The following MRPL37 variants were observed in gnomAD, a reference collection of about 807,000 sequenced individuals.
MRPL37 encodes the protein large ribosomal subunit protein mL37.
MRPL37 carries 34 observed loss-of-function variants against 44.1 expected under a neutral mutation model. The observed-to-expected ratio is 0.77, with a 90% CI of 0.59 to 1.03. MRPL37 has a LOEUF of 1.03. MRPL37 is among the 50% of genes least tolerant of loss of function. The pLI, the probability that MRPL37 is intolerant of heterozygous loss-of-function variation, is 0.00. For synonymous variants in MRPL37, 212 were observed against 219.5 expected (o/e 0.97, Z 0.30); for missense variants, 532 against 543.7 (o/e 0.98, Z 0.21).
Position 54,210,135 on chromosome 1 carries a change from A to G in MRPL37, c.832+4A>G, listed in dbSNP as rs1488442789. 3 of 1,613,114 alleles carry G rather than the reference A, an allele frequency of 1.9e-6. No homozygotes were observed. The Admixed American group carries it at 5.0e-5, about 27-fold the overall frequency. ...TATGATGTGAAAAATGACACAGGTAAGGATCAATGTCTTGGACTTTTAGGC... is the reference window on the plus strand; with the variant it reads ...TATGATGTGAAAAATGACACAGGTAGGGATCAATGTCTTGGACTTTTAGGC... On this transcript the variant is annotated splice_donor_region_variant and intron_variant, in intron 4 of 6. Coordinates refer to ENST00000360840, the MANE Select transcript of MRPL37 (RefSeq NM_016491.4).
rs1418345168 is a variant in MRPL37, at chr1:54,213,163, C to T, written c.990+505C>T. On this transcript the variant is annotated intron_variant, in intron 5 of 6. Transcript: ENST00000360840. Reference sequence around the variant, plus strand: ...CCCAAGATACTCGTTGGTGTTATCCCCTGATCCTAAGAGGAGGTTTCAGGG... The same window carrying T: ...CCCAAGATACTCGTTGGTGTTATCCTCTGATCCTAAGAGGAGGTTTCAGGG... Among the ~76,000 whole-genome samples the T allele has an allele frequency of 2.0e-5, 3 of 152,190 alleles. No individual in the cohort carries two copies. The South Asian group carries it at 6.2e-4, about 32-fold the overall frequency.
At chr1:54,220,295 G>A (rs1644223826), downstream of MRPL37, among the ~76,000 whole-genome samples, 1 of 152,220 alleles carries the variant, frequency 6.6e-6, no homozygotes, top group Non-Finnish European at 1.5e-5. Context: ...ACCATCAGCA[G>A]ATGACCTTGT....
At chr1:54,204,159 G>C (rs1010813461) in intron 1 of MRPL37, among the ~76,000 whole-genome samples, 1 of 152,200 alleles carries the variant, frequency 6.6e-6, no homozygotes, top group Admixed American at 6.5e-5. Flanking sequence ...TAGGCAGGCA[G>C]ATTACTTCAG....
At chr1:54,219,950 G>C (rs918508999), downstream of MRPL37, among the ~76,000 whole-genome samples, 8 of 152,196 alleles carry the variant, frequency 5.3e-5, no homozygotes, top group African/African-American at 1.9e-4. Flanking sequence ...GTTGTTTCCA[G>C]TTGTTATTAG....
intron 4 of MRPL37, 114 bp downstream of exon 4, chr1:54,210,245 C>CCTAT (rs1172608408): frequency 1.4e-4 from 140 of 1,003,282 alleles, no homozygotes; most frequent in Non-Finnish European, 4.7e-5. Flanking sequence ...GTGTGTATTA[C>CCTAT]CTATCTCCTA....
At chr1:54,202,636 G>C (rs575471992) in intron 1 of MRPL37, among the ~76,000 whole-genome samples, 1 of 152,200 alleles carries the variant, frequency 6.6e-6, no homozygotes, top group East Asian at 1.9e-4. Flanking sequence ...AAGTAGCTGG[G>C]ATTACAGGCA....
intron 4 of MRPL37, among the ~76,000 whole-genome samples, chr1:54,212,032 G>A (rs1458695033): frequency 6.6e-6 from 1 of 152,180 alleles, no homozygotes; most frequent in Non-Finnish European, 1.5e-5. Flanking sequence ...AGTAAATTTT[G>A]CAAATGACTT....
chr1:54,223,504 C>G (rs1644250432), downstream of MRPL37, among the ~76,000 whole-genome samples: 1 of 152,262 alleles, frequency 6.6e-6, no homozygotes, highest in Non-Finnish European at 1.5e-5. Context: ...GAGCCCTGCT[C>G]TGGCCTAGCG....
downstream of MRPL37, among the ~76,000 whole-genome samples, chr1:54,221,699 T>A (rs934035594): frequency 6.8e-6 from 1 of 147,004 alleles, no homozygotes; most frequent in African/African-American, 2.4e-5. Flanking sequence ...CACTCAGACA[T>A]GTGCACACAC....
intron 1 of MRPL37, among the ~76,000 whole-genome samples, chr1:54,204,359 C>T (rs892340497): frequency 4.3e-4 from 65 of 151,860 alleles, no homozygotes; most frequent in African/African-American, 1.5e-3. Context: ...CATCATGTCG[C>T]CCAGTCAGCC....
chr1:54,205,265 A>G (rs547173404), intron 2 of MRPL37, 30 bp from the exon 3 acceptor site: 1 of 1,608,224 alleles, frequency 6.2e-7, no homozygotes, highest in East Asian at 2.2e-5. Flanking sequence ...TGTTGCTTTA[A>G]GTCCCCAAAT....
chr1:54,221,899 A>AGAC (rs1313423384), downstream of MRPL37, among the ~76,000 whole-genome samples: 1 of 152,138 alleles, frequency 6.6e-6, no homozygotes, highest in African/African-American at 2.4e-5. Flanking sequence ...AGAATGAGGG[A>AGAC]GACATGGTCC....
At chr1:54,201,378 A>C (rs1204874055) in intron 1 of MRPL37, among the ~76,000 whole-genome samples, 1 of 152,212 alleles carries the variant, frequency 6.6e-6, no homozygotes, top group African/African-American at 2.4e-5. Flanking sequence ...AAGCTTCTCA[A>C]TTCCATTCCT....
intron 3 of MRPL37, among the ~76,000 whole-genome samples, chr1:54,206,310 C>T (rs1285708504): frequency 6.6e-6 from 1 of 151,852 alleles, no homozygotes; most frequent in Non-Finnish European, 1.5e-5. Flanking sequence ...GACAAGGTTT[C>T]ACCATGTTAG....
intron 1 of MRPL37, among the ~76,000 whole-genome samples, chr1:54,201,271 A>AG (rs538474417): frequency 6.6e-6 from 1 of 152,038 alleles, no homozygotes; most frequent in Non-Finnish European, 1.5e-5. Context: ...AGGAGTGATT[A>AG]GGGGGGAAAA....
intron 3 of MRPL37, among the ~76,000 whole-genome samples, 162 bp from the exon 4 acceptor site, chr1:54,209,784 A>G (rs1644150880): frequency 6.6e-6 from 1 of 152,086 alleles, no homozygotes; most frequent in South Asian, 2.1e-4. Context: ...TTTAGTAGAG[A>G]TGGGGCTTTG....
chr1:54,218,082 G>A, intron 6 of MRPL37, 90 bp from the exon 7 acceptor site: 1 of 1,147,244 alleles, frequency 8.7e-7, no homozygotes, highest in African/African-American at 1.5e-5. Context: ...TTACTGTCCA[G>A]GCACTGAAGA....
intron 5 of MRPL37, among the ~76,000 whole-genome samples, chr1:54,214,597 C>T (rs1228313652): frequency 6.6e-6 from 1 of 152,164 alleles, no homozygotes; most frequent in African/African-American, 2.4e-5. Context: ...TAGTCACAAC[C>T]CTGGTCCCAG....
chr1:54,205,092 G>A lies in MRPL37; in HGVS notation c.421G>A (p.Asp141Asn). Residue 141 changes from aspartate to asparagine, a missense_variant, in exon 2 of 7, where the codon GAT becomes AAT. Physicochemically the swap from Asp to Asn is conservative, Grantham distance 23. Transcript: ENST00000360840. The part of the protein sequence containing the change: ...GLPEKVLSLV[D>N]DPRNHIENQD... ...TCCCGAGAAAGTGCTTAGCCTTGTT[G>A]ATGATCCAAGGAACCACATAGAGAA... 6.2e-7 allele frequency: 1 copy of A among 1,614,132 alleles called. No homozygotes were observed. Among genetic ancestry groups the A allele is most frequent in the Non-Finnish European group, 8.5e-7 (1 of 1,180,034 alleles).
Sources: allele counts gnomAD v4.1 joint callset (sites outside exome capture counted in the v4.1 genomes callset), GRCh38; gene constraint gnomAD v4.1.1; transcripts MANE v1.5; gene names NCBI Gene and HGNC (gene_info 2026-07-23, HGNC 2026-07-21).